The following LRMDA variants were observed in gnomAD, a reference collection of about 807,000 sequenced individuals.
LRMDA encodes leucine rich melanocyte differentiation associated.
LRMDA carries 18 observed loss-of-function variants against 29.8 expected under a neutral mutation model. The ratio of observed to expected loss-of-function variants is 0.60; its 90% CI spans 0.42 to 0.90. LRMDA has a LOEUF of 0.90. Ranked by LOEUF, LRMDA falls within the 40% of genes least tolerant of loss-of-function variation. The pLI, the probability that LRMDA is intolerant of heterozygous loss-of-function variation, is 0.00. For synonymous variants in LRMDA, 125 were observed against 109.4 expected (o/e 1.14, Z -0.89); for missense variants, 273 against 273.9 (o/e 1.00, Z 0.02).
intron 4 of LRMDA, among the ~76,000 whole-genome samples, chr10:76,054,431 G>A (rs1300467004): frequency 5.3e-5 from 8 of 151,980 alleles, no homozygotes; most frequent in Admixed American, 4.6e-4. Flanking sequence ...TTAAAAGCCA[G>A]CACCTCTGTC....
intron 2 of LRMDA, among the ~76,000 whole-genome samples, chr10:75,559,294 A>C (rs1436443590): frequency 1.3e-5 from 2 of 150,120 alleles, no homozygotes; most frequent in African/African-American, 4.9e-5. Flanking sequence ...GATGGTGAGC[A>C]TTTTTTCATG....
intron 2 of LRMDA, among the ~76,000 whole-genome samples, chr10:75,617,668 T>TCA (rs1449849734): frequency 6.6e-6 from 1 of 152,182 alleles, no homozygotes; most frequent in Non-Finnish European, 1.5e-5. Flanking sequence ...AACCATTGCA[T>TCA]CACCTCACAG....
intron 5 of LRMDA, among the ~76,000 whole-genome samples, chr10:76,104,080 C>G (rs1849440546): frequency 6.6e-6 from 1 of 151,558 alleles, no homozygotes; most frequent in African/African-American, 2.4e-5. Context: ...CCATTCCCTT[C>G]TTCCAAGTAT....
At chr10:76,464,987 CAGA>C (rs1381634884) in intron 6 of LRMDA, 2 of 152,172 alleles carry the variant, frequency 1.3e-5, no homozygotes, top group Non-Finnish European at 2.9e-5. Context: ...TGTGGGCACA[CAGA>C]AGAAGCAGAC....
At chr10:75,790,258 A>G (rs572421029) in intron 2 of LRMDA, among the ~76,000 whole-genome samples, 3 of 152,298 alleles carry the variant, frequency 2.0e-5, no homozygotes, top group Admixed American at 2.0e-4. Flanking sequence ...TATGATCACA[A>G]AAAATGTCTC....
intron 2 of LRMDA, among the ~76,000 whole-genome samples, chr10:75,815,936 C>T (rs1212188635): frequency 6.6e-6 from 1 of 152,218 alleles, no homozygotes; most frequent in Non-Finnish European, 1.5e-5. Flanking sequence ...GATGTTTAGT[C>T]ACTTGCCCAA....
At chr10:76,387,853 C>T (rs1221554621) in intron 6 of LRMDA, among the ~76,000 whole-genome samples, 1 of 152,136 alleles carries the variant, frequency 6.6e-6, no homozygotes, top group African/African-American at 2.4e-5. Context: ...AATGGACCCA[C>T]ACAAGACTTT....
At position 76,258,080 on chromosome 10, in the gene LRMDA, G is replaced by T. The variant is rs558922855; in HGVS notation, c.517-66321G>T. 5.9e-5 allele frequency among the ~76,000 whole-genome samples: 9 copies of T among 152,320 alleles called. No individual in the cohort carries two copies. The South Asian group carries it at 1.9e-3, about 32-fold the overall frequency. The stretch of plus-strand genomic sequence containing the variant: ...GTTACATGGCCAAGTCCACATACGA[G>T]GGGTGGAGAACCAGACTCTACCTCT... On this transcript the variant is annotated intron_variant, in intron 5 of 6. Transcript: ENST00000611255.
chr10:75,641,837 A>G (rs536632139), intron 2 of LRMDA, among the ~76,000 whole-genome samples: 7 of 152,320 alleles, frequency 4.6e-5, no homozygotes, highest in Non-Finnish European at 1.0e-4. Flanking sequence ...TACTGAACCT[A>G]GGAATTTGAG....
chr10:75,822,055 A>G (rs1844171280), intron 2 of LRMDA, among the ~76,000 whole-genome samples: 1 of 152,226 alleles, frequency 6.6e-6, no homozygotes, highest in Admixed American at 6.5e-5. Context: ...CTGTTCACTG[A>G]TGATATAATA....
At chr10:75,879,095 C>T (rs1845249990) in intron 2 of LRMDA, among the ~76,000 whole-genome samples, 1 of 152,210 alleles carries the variant, frequency 6.6e-6, no homozygotes, top group Admixed American at 6.5e-5. Flanking sequence ...TACTCTTCAA[C>T]CGATCTCACA....
intron 2 of LRMDA, among the ~76,000 whole-genome samples, chr10:75,729,622 A>G (rs927146182): frequency 3.9e-5 from 6 of 152,184 alleles, no homozygotes; most frequent in Non-Finnish European, 5.9e-5. Context: ...TGGGAAGGGC[A>G]GGCAAAGAAA....
At chr10:75,947,696 G>A (rs1175071189) in intron 2 of LRMDA, among the ~76,000 whole-genome samples, 1 of 152,194 alleles carries the variant, frequency 6.6e-6, no homozygotes, top group Non-Finnish European at 1.5e-5. Context: ...TAAGTGGCAC[G>A]ATATGCAAAA....
chr10:76,005,117 C>T (rs971506454), intron 2 of LRMDA, among the ~76,000 whole-genome samples: 54 of 152,306 alleles, frequency 3.5e-4, no homozygotes, highest in African/African-American at 1.2e-3. Flanking sequence ...TTATCCCCCT[C>T]CAACAAGGTA....
chr10:76,388,152 T>C (rs1841682468), intron 6 of LRMDA, among the ~76,000 whole-genome samples: 1 of 152,192 alleles, frequency 6.6e-6, no homozygotes, highest in Non-Finnish European at 1.5e-5. Context: ...CTAAGTATTA[T>C]TGTATTAAGT....
chr10:75,471,419 T>C (rs1844724847), intron 2 of LRMDA, among the ~76,000 whole-genome samples: 1 of 152,172 alleles, frequency 6.6e-6, no homozygotes, highest in South Asian at 2.1e-4. Flanking sequence ...TTTAAAACTT[T>C]TAGCAACCCT....
chr10:75,967,942 C>G (rs550632637), intron 2 of LRMDA, among the ~76,000 whole-genome samples: 68 of 152,272 alleles, frequency 4.5e-4, no homozygotes, highest in African/African-American at 1.5e-3. Flanking sequence ...TTTAAGACCC[C>G]CTTCCACTCC....
chr10:76,454,992 T>C (rs533390654), intron 6 of LRMDA, among the ~76,000 whole-genome samples: 12 of 152,306 alleles, frequency 7.9e-5, no homozygotes, highest in African/African-American at 2.9e-4. Context: ...GAGTTTTAGT[T>C]TGGAGCATGA....
chr10:76,018,567 G>GTTTTTTTTT (rs765340066), intron 2 of LRMDA, among the ~76,000 whole-genome samples: 1 of 131,958 alleles, frequency 7.6e-6, no homozygotes. Context: ...GGCTTCTGAA[G>GTTTTTTTTT]TTTTTTTTTT....
Sources: allele counts gnomAD v4.1 joint callset (sites outside exome capture counted in the v4.1 genomes callset), GRCh38; gene constraint gnomAD v4.1.1; transcripts MANE v1.5; gene names NCBI Gene and HGNC (gene_info 2026-07-23, HGNC 2026-07-21).